SCAF4: variants seen among roughly 807,000 people sequenced by gnomAD.
The protein encoded by SCAF4 is SR-related and CTD-associated factor 4.
SCAF4 carries 25 observed loss-of-function variants against 129.8 expected under a neutral mutation model. That is an observed-to-expected ratio of 0.19 (90% CI 0.14 to 0.27). The LOEUF (loss-of-function observed/expected upper bound fraction) is 0.27, where lower values mean the gene tolerates loss of function less well. Among genes scored for constraint, SCAF4 ranks in the 10% least tolerant of loss-of-function variants. The pLI, the probability that SCAF4 is intolerant of heterozygous loss-of-function variation, is 1.00. For missense variants in SCAF4, 1,246 were observed against 1,457.1 expected (o/e 0.86, Z 2.36); for synonymous variants, 551 against 497.7 (o/e 1.11, Z -1.43).
intron 1 of SCAF4, among the ~76,000 whole-genome samples, chr21:31,714,233 C>T (rs1190352173): frequency 3.3e-5 from 5 of 152,064 alleles, no homozygotes; most frequent in African/African-American, 1.2e-4. Context: ...CAATAAACAC[C>T]GTTAGGTGCA....
intron 19 of SCAF4, among the ~76,000 whole-genome samples, chr21:31,681,079 G>A (rs1268244303): frequency 6.6e-6 from 1 of 152,164 alleles, no homozygotes; most frequent in Non-Finnish European, 1.5e-5. Flanking sequence ...TTAGCCACAG[G>A]CCACCAACTT....
chr21:31,703,246 T>C (rs2050577529), intron 4 of SCAF4, among the ~76,000 whole-genome samples: 1 of 152,162 alleles, frequency 6.6e-6, no homozygotes, highest in South Asian at 2.1e-4. Context: ...CTTACTCAAC[T>C]ACACAAGCAC....
Position 31,693,435 on chromosome 21 carries a change from G to A in SCAF4, c.1372C>T (p.Arg458Trp), listed in dbSNP as rs1280277365. 1.3e-6 allele frequency: 2 copies of A among 1,552,886 alleles called. No homozygotes were observed. Among genetic ancestry groups the A allele is most frequent in the South Asian group, 1.2e-5 (1 of 84,382 alleles). Residue 458 changes from arginine (R) to tryptophan (W), a missense_variant, in exon 12 of 20, where the codon CGG becomes TGG. By Grantham distance (101) the Arg-to-Trp change is moderately radical. Coordinates refer to ENST00000286835, the MANE Select transcript of SCAF4 (RefSeq NM_020706.2). ...SRSGSRSRRS[R>W]HRRSRSRSRD... The stretch of plus-strand genomic sequence containing the variant: ...GACCGAGATCGAGAACGTCGATGCC[G>A]AGACCTTCGAGATCTAGAACCAGAT...
At position 31,717,838 on chromosome 21, in the gene SCAF4, T is replaced by TAC. The variant is rs1410082924; in HGVS notation, c.31-11482_31-11481insGT. Among the ~76,000 whole-genome samples, 9 of 99,030 alleles carry TAC rather than the reference T, an allele frequency of 9.1e-5. No individual in the cohort carries two copies. The East Asian group carries it at 1.0e-3, about 11-fold the overall frequency. 65.0% of individuals were successfully genotyped at this position (99,030 alleles called of 152,430 possible). ...GGGAAACTGCTGCCATATATATATATATATACACACACACACACACACACA... is the reference window on the plus strand; with the variant it reads ...GGGAAACTGCTGCCATATATATATATACATATACACACACACACACACACACA... On this transcript the variant is annotated intron_variant, in intron 1 of 19. Transcript: ENST00000286835.
chr21:31,710,517 C>T lies in SCAF4; in HGVS notation c.31-4160G>A, dbSNP rs559246673. Among the ~76,000 whole-genome samples, 15 of 152,264 alleles carry T rather than the reference C, an allele frequency of 9.9e-5. No homozygotes were observed. In the East Asian group the frequency reaches 2.9e-3, roughly 29 times the overall value. On this transcript the variant is annotated intron_variant, in intron 1 of 19. Transcript: ENST00000286835. ...TGAGCCGAGATGGTGCCACTACACT[C>T]CAGCCTGGGATACAGACCGAGACTC...
intron 1 of SCAF4, among the ~76,000 whole-genome samples, chr21:31,725,058 T>A (rs2051167856): frequency 6.6e-6 from 1 of 152,168 alleles, no homozygotes; most frequent in Non-Finnish European, 1.5e-5. Context: ...AAGAAAACAC[T>A]GTATAACCAA....
In SCAF4 at chr21:31,688,416, C is replaced by A. The variant is rs1342721122; in HGVS notation, c.1934G>T (p.Gly645Val). The A allele has an allele frequency of 6.2e-7, 1 of 1,613,916 alleles. No individual in the cohort carries two copies. The highest frequency in any genetic ancestry group is 8.5e-7 in the Non-Finnish European group (1 of 1,179,972). ...KKPENEVAQNGGAETSHTEPV... is the reference protein window; with the variant it reads ...KKPENEVAQNVGAETSHTEPV... ...TTCTGTGTGTGAGGTTTCAGCACCT[C>A]CATTTTGAGCAACTTCATTTTCAGG... is the stretch of plus-strand genomic sequence containing the variant. Residue 645 changes from glycine (G) to valine (V), a missense_variant, in exon 16 of 20, where the codon GGA (glycine) becomes GTA (valine). Coordinates refer to ENST00000286835, the MANE Select transcript of SCAF4 (RefSeq NM_020706.2).
In SCAF4 at chr21:31,679,504, T is replaced by C. The variant is rs550201452; in HGVS notation, c.2488+5545A>G. Among the ~76,000 whole-genome samples the C allele has an allele frequency of 1.2e-4, 19 of 152,310 alleles. No homozygotes were observed. In the South Asian group the frequency reaches 3.9e-3, roughly 32 times the overall value. On this transcript the variant is annotated intron_variant, in intron 19 of 19. Coordinates refer to ENST00000286835, the MANE Select transcript of SCAF4 (RefSeq NM_020706.2). ...TGGGTTATTCTTATAGAAGGCACTA[T>C]GTTCTGAGAGCTGCGGAAAATGGAA...
chr21:31,712,097 C>A (rs920787613), intron 1 of SCAF4, among the ~76,000 whole-genome samples: 1 of 152,106 alleles, frequency 6.6e-6, no homozygotes, highest in African/African-American at 2.4e-5. Flanking sequence ...CTTTAAATAG[C>A]CAGCATGTTA....
chr21:31,713,903 A>G (rs1260016867), intron 1 of SCAF4, among the ~76,000 whole-genome samples: 2 of 152,106 alleles, frequency 1.3e-5, no homozygotes, highest in African/African-American at 4.8e-5. Context: ...AATTTCAGTC[A>G]ACAAACCTCA....
At chr21:31,728,558 TTAC>T in intron 1 of SCAF4, among the ~76,000 whole-genome samples, 1 of 152,094 alleles carries the variant, frequency 6.6e-6, no homozygotes, top group South Asian at 2.1e-4. Context: ...CTTAGGGGAG[TTAC>T]TATTTATTAT....
At chr21:31,724,394 G>C (rs1419209951) in intron 1 of SCAF4, among the ~76,000 whole-genome samples, 1 of 152,048 alleles carries the variant, frequency 6.6e-6, no homozygotes, top group Admixed American at 6.5e-5. Flanking sequence ...ATTTTGAACT[G>C]TTAATAGGTA....
At chr21:31,691,026 T>C (rs889981377) in intron 14 of SCAF4, 73 bp from the exon 15 acceptor site, 83 of 1,318,780 alleles carry the variant, frequency 6.3e-5, no homozygotes, top group Non-Finnish European at 7.6e-5. Flanking sequence ...TTATTCTCTA[T>C]CATTCTATCC....
chr21:31,713,484 C>T (rs62222948), intron 1 of SCAF4, among the ~76,000 whole-genome samples: 20,282 of 152,158 alleles, frequency 0.13, 1,671 homozygotes, highest in Non-Finnish European at 0.18. Flanking sequence ...GAGTACTACA[C>T]GTAATTCTTT....
intron 11 of SCAF4, 76 bp from the exon 12 acceptor site, chr21:31,693,560 A>G (rs985058599): frequency 3.1e-6 from 3 of 953,850 alleles, no homozygotes; most frequent in African/African-American, 3.4e-5. Flanking sequence ...ACTAATTAAA[A>G]CAGAACAAAA....
At chr21:31,728,205 C>T (rs2051256613) in intron 1 of SCAF4, among the ~76,000 whole-genome samples, 1 of 152,178 alleles carries the variant, frequency 6.6e-6, no homozygotes, top group Non-Finnish European at 1.5e-5. Flanking sequence ...GGATTCAACA[C>T]TACTAACTAA....
chr21:31,678,304 C>T (rs1276525809), intron 19 of SCAF4, among the ~76,000 whole-genome samples: 1 of 152,152 alleles, frequency 6.6e-6, no homozygotes, highest in Non-Finnish European at 1.5e-5. Flanking sequence ...ACGAGTCATT[C>T]TTGACTCTTT....
At chr21:31,685,878 A>G in intron 16 of SCAF4, 145 bp from the exon 17 acceptor site, 1 of 757,808 alleles carries the variant, frequency 1.3e-6, no homozygotes, top group Non-Finnish European at 2.1e-6. Context: ...AACAGGTGGT[A>G]GTTAACTTCT....
At chr21:31,680,451 T>TA (rs1383941557) in intron 19 of SCAF4, among the ~76,000 whole-genome samples, 1 of 152,220 alleles carries the variant, frequency 6.6e-6, no homozygotes, top group Non-Finnish European at 1.5e-5. Flanking sequence ...ACTAGTGGAA[T>TA]AACATTAATA....
Sources: allele counts gnomAD v4.1 joint callset (sites outside exome capture counted in the v4.1 genomes callset), GRCh38; gene constraint gnomAD v4.1.1; transcripts MANE v1.5; gene names NCBI Gene and HGNC (gene_info 2026-07-23, HGNC 2026-07-21).